The following RBFOX1 variants were observed in gnomAD, a reference collection of about 807,000 sequenced individuals.
The protein encoded by RBFOX1 is RNA binding protein fox-1 homolog 1.
RBFOX1 carries 8 observed loss-of-function variants against 57.7 expected under a neutral mutation model. That is an observed-to-expected ratio of 0.14 (90% CI 0.08 to 0.25). The LOEUF is 0.25. Ranked by LOEUF, RBFOX1 falls within the 10% of genes least tolerant of loss-of-function variation. The probability of loss-of-function intolerance (pLI) is 1.00; values close to 1 mark genes in which losing one functional copy is unlikely to be tolerated. For missense variants in RBFOX1, 611 were observed against 548.5 expected (o/e 1.11, Z -1.14); for synonymous variants, 326 against 222.4 (o/e 1.47, Z -4.15).
intron 4 of RBFOX1, among the ~76,000 whole-genome samples, chr16:7,366,639 T>C (rs1191199670): frequency 4.1e-5 from 6 of 146,882 alleles, no homozygotes; most frequent in Middle Eastern, 3.2e-3. Flanking sequence ...ATGATATTGA[T>C]AGTTTTCTTT....
At chr16:7,285,075 CTTTTTTTTTTTTTT>C (rs58959488) in intron 4 of RBFOX1, among the ~76,000 whole-genome samples, 96 of 42,736 alleles carry the variant, frequency 2.2e-3, no homozygotes, top group African/African-American at 7.3e-3. Context: ...AGATTCCTTA[CTTTTTTTTTTTTTT>C]TTTTTTTTTT....
intron 4 of RBFOX1, among the ~76,000 whole-genome samples, chr16:7,278,705 C>T (rs543496807): frequency 6.6e-6 from 1 of 152,262 alleles, no homozygotes; most frequent in South Asian, 2.1e-4. Context: ...TCAGTGAAAA[C>T]ATATTACAAA....
chr16:7,558,228 C>A (rs2089303719), intron 5 of RBFOX1, among the ~76,000 whole-genome samples: 1 of 151,910 alleles, frequency 6.6e-6, no homozygotes, highest in South Asian at 2.1e-4. Flanking sequence ...TTGGTGCACA[C>A]CTGTAGTCCT....
intron 10 of RBFOX1, among the ~76,000 whole-genome samples, chr16:7,618,638 ATTTCCCCAACAAATTAAG>A (rs953697914): frequency 9.9e-4 from 151 of 152,160 alleles, no homozygotes; most frequent in African/African-American, 3.5e-3. Context: ...TATTGTTCTT[ATTTCCCCAACAAATTAAG>A]TTGGTGTATA....
intron 1 of RBFOX1, among the ~76,000 whole-genome samples, chr16:5,336,598 G>A (rs879764665): frequency 1.6e-4 from 25 of 152,222 alleles, no homozygotes; most frequent in Non-Finnish European, 2.6e-4. Flanking sequence ...AGGGGCAGGA[G>A]AACCTCTTGG....
chr16:7,151,129 C>T (rs540164143), intron 4 of RBFOX1, among the ~76,000 whole-genome samples: 101 of 152,266 alleles, frequency 6.6e-4, no homozygotes, highest in Admixed American at 1.8e-3. Flanking sequence ...CCAGCAATGT[C>T]CTATGTAAAC....
chr16:7,557,380 G>C (rs1220751012), intron 5 of RBFOX1, among the ~76,000 whole-genome samples: 4 of 152,032 alleles, frequency 2.6e-5, no homozygotes, highest in Non-Finnish European at 5.9e-5. Flanking sequence ...AGCACTTTGG[G>C]AGGCCAACGT....
At chr16:5,652,042 A>C (rs934029954) in intron 3 of RBFOX1, among the ~76,000 whole-genome samples, 3 of 152,158 alleles carry the variant, frequency 2.0e-5, no homozygotes, top group Non-Finnish European at 4.4e-5. Flanking sequence ...GCTGAGGCAC[A>C]GGAATCTCTT....
intron 4 of RBFOX1, among the ~76,000 whole-genome samples, chr16:5,879,417 G>A (rs1179184130): frequency 3.9e-5 from 6 of 152,118 alleles, no homozygotes; most frequent in Admixed American, 3.3e-4. Flanking sequence ...TGCAACCTCC[G>A]CCTCCCAGGT....
chr16:7,278,500 C>G (rs1233187971), intron 4 of RBFOX1, among the ~76,000 whole-genome samples: 1 of 152,122 alleles, frequency 6.6e-6, no homozygotes, highest in Non-Finnish European at 1.5e-5. Flanking sequence ...CCAATATTAC[C>G]AGCATACCTT....
chr16:5,667,414 T>C (rs1356446149), intron 3 of RBFOX1, among the ~76,000 whole-genome samples: 1 of 152,236 alleles, frequency 6.6e-6, no homozygotes, highest in Non-Finnish European at 1.5e-5. Context: ...AATTTCTATT[T>C]TGATTTTCTG....
At chr16:7,493,322 T>C (rs2067535608) in intron 4 of RBFOX1, among the ~76,000 whole-genome samples, 1 of 152,218 alleles carries the variant, frequency 6.6e-6, no homozygotes, top group Admixed American at 6.5e-5. Context: ...AGATATGGAA[T>C]ATTTCTGTCA....
chr16:5,916,334 C>T (rs1410365299), intron 4 of RBFOX1, among the ~76,000 whole-genome samples: 2 of 152,108 alleles, frequency 1.3e-5, no homozygotes, highest in East Asian at 3.9e-4. Flanking sequence ...TTGTTTTTGT[C>T]TTACTGTCTA....
chr16:7,269,402 T>C (rs752936523), intron 4 of RBFOX1, among the ~76,000 whole-genome samples: 1 of 152,162 alleles, frequency 6.6e-6, no homozygotes, highest in Non-Finnish European at 1.5e-5. Flanking sequence ...AATCACTTTT[T>C]AAAAACATTT....
chr16:7,481,307 T>C (rs1052023718), intron 4 of RBFOX1, among the ~76,000 whole-genome samples: 2 of 152,214 alleles, frequency 1.3e-5, no homozygotes, highest in Non-Finnish European at 2.9e-5. Context: ...GCATTATCTA[T>C]ATAATGTGTA....
chr16:5,429,761 C>T (rs1015163171), intron 1 of RBFOX1, among the ~76,000 whole-genome samples: 1 of 152,178 alleles, frequency 6.6e-6, no homozygotes, highest in Admixed American at 6.5e-5. Flanking sequence ...AAGCCAGTGG[C>T]AGTGTTTGGC....
chr16:6,563,448 A>T (rs141065278), intron 2 of RBFOX1, among the ~76,000 whole-genome samples: 1,773 of 152,226 alleles, frequency 0.012, 32 homozygotes, highest in South Asian at 0.042. Context: ...AGTTATTGAG[A>T]TGTAAGTCAA....
chr16:6,259,521 C>T (rs2097688765), intron 1 of RBFOX1, among the ~76,000 whole-genome samples: 1 of 152,152 alleles, frequency 6.6e-6, no homozygotes, highest in Non-Finnish European at 1.5e-5. Flanking sequence ...TCTCCTCAAA[C>T]TCACTTTGCC....
chr16:5,290,752 A>G (rs1179613795), intron 1 of RBFOX1, among the ~76,000 whole-genome samples: 2 of 151,202 alleles, frequency 1.3e-5, no homozygotes, highest in Non-Finnish European at 1.5e-5. Flanking sequence ...AGGCTGGAGT[A>G]GAGTGGTGTG....
Sources: gnomAD v4.1 joint callset for allele counts (sites outside exome capture counted in the v4.1 genomes callset) on GRCh38, gnomAD v4.1.1 for gene constraint, MANE v1.5 for transcripts, NCBI Gene and HGNC (gene_info 2026-07-23, HGNC 2026-07-21) for gene names.